ADK: variants seen among roughly 807,000 people sequenced by gnomAD.
The protein encoded by ADK is N6,N6-dimethyladenosine kinase.
In ADK, 24 loss-of-function variants were observed where a neutral mutation model predicts 44.7. That is an observed-to-expected ratio of 0.54 (90% confidence interval 0.39 to 0.76). The LOEUF is 0.76. Ranked by LOEUF, ADK falls within the 30% of genes least tolerant of loss-of-function variation. ADK has a pLI of 0.00. For missense variants in ADK, 321 were observed against 425.1 expected (o/e 0.76, Z 2.15); for synonymous variants, 128 against 142.6 (o/e 0.90, Z 0.73).
chr10:74,378,711 CAAG>C (rs1014799146), intron 4 of ADK, among the ~76,000 whole-genome samples: 2 of 152,042 alleles, frequency 1.3e-5, no homozygotes, highest in Admixed American at 6.6e-5. Context: ...TAAAGACTTT[CAAG>C]ATGAGTGAGG....
At chr10:74,678,159 A>G (rs921193468) in intron 10 of ADK, among the ~76,000 whole-genome samples, 3 of 151,272 alleles carry the variant, frequency 2.0e-5, no homozygotes, top group Non-Finnish European at 2.9e-5. Flanking sequence ...AAAAAAAAAA[A>G]AGGATATGAA....
intron 4 of ADK, chr10:74,372,035 A>C (rs183889449): frequency 1.3e-6 from 1 of 766,994 alleles, no homozygotes; most frequent in African/African-American, 1.7e-5. Context: ...ACAATAAGGG[A>C]GCTCACTCAA....
At chr10:74,519,149 T>C (rs1848711441) in intron 6 of ADK, among the ~76,000 whole-genome samples, 1 of 151,994 alleles carries the variant, frequency 6.6e-6, no homozygotes, top group Non-Finnish European at 1.5e-5. Context: ...ATAAAAATTA[T>C]TAGATTTTAA....
intron 3 of ADK, among the ~76,000 whole-genome samples, chr10:74,297,550 A>G (rs1408479099): frequency 6.6e-6 from 1 of 152,184 alleles, no homozygotes; most frequent in Non-Finnish European, 1.5e-5. Flanking sequence ...TAATTTATTC[A>G]TATGTTACCA....
chr10:74,527,293 G>A (rs1195898815), intron 7 of ADK, among the ~76,000 whole-genome samples: 1 of 151,960 alleles, frequency 6.6e-6, no homozygotes, highest in South Asian at 2.1e-4. Flanking sequence ...CCCAGGAGGC[G>A]GAGCTTGCAG....
chr10:74,280,381 T>C (rs11000954), intron 3 of ADK, among the ~76,000 whole-genome samples: 98,811 of 151,182 alleles, frequency 0.65, 33,448 homozygotes, highest in Middle Eastern at 0.81. Context: ...GGATTACAGG[T>C]GTGAGCCACC....
chr10:74,708,386 G>T lies in ADK; in HGVS notation c.1030G>T (p.Ala344Ser). 2 of 1,612,822 alleles carry T rather than the reference G, an allele frequency of 1.2e-6. No homozygotes were observed. Among genetic ancestry groups the T allele is most frequent in the Middle Eastern group, 1.7e-4 (1 of 6,054 alleles). The change falls in exon 11 of 11, where the codon GCA becomes TCA. Residue 344 changes from alanine to serine, a missense_variant. Physicochemically the swap from Ala to Ser is moderately conservative, Grantham distance 99. Transcript: ENST00000539909. Reference sequence around the variant, plus strand: ...ATGTATCCGTGCTGGCCACTATGCAGCAAGCATCATAATTAGACGGACTGG... The same window carrying T: ...ATGTATCCGTGCTGGCCACTATGCATCAAGCATCATAATTAGACGGACTGG... ...TECIRAGHYA[A>S]SIIIRRTGCT...
intron 9 of ADK, among the ~76,000 whole-genome samples, chr10:74,610,471 A>G (rs984257697): frequency 2.6e-5 from 4 of 152,184 alleles, no homozygotes; most frequent in African/African-American, 9.6e-5. Flanking sequence ...GCAGGATGAA[A>G]AAGTTGTAAA....
At chr10:74,334,140 CT>C (rs1564659222) in intron 4 of ADK, among the ~76,000 whole-genome samples, 1 of 152,100 alleles carries the variant, frequency 6.6e-6, no homozygotes, top group Non-Finnish European at 1.5e-5. Context: ...AAAACTTTCC[CT>C]GTGTCCCCTT....
intron 10 of ADK, among the ~76,000 whole-genome samples, chr10:74,686,671 T>C (rs1046396895): frequency 2.6e-5 from 4 of 152,058 alleles, no homozygotes; most frequent in Non-Finnish European, 4.4e-5. Context: ...TGTTTGTTTG[T>C]TTTTTGTTTT....
chr10:74,230,341 A>G (rs1844711554), intron 3 of ADK, among the ~76,000 whole-genome samples: 1 of 152,070 alleles, frequency 6.6e-6, no homozygotes, highest in Non-Finnish European at 1.5e-5. Flanking sequence ...GAATAAGGTG[A>G]GAGTAACATT....
intron 3 of ADK, among the ~76,000 whole-genome samples, chr10:74,263,466 A>G (rs978382473): frequency 6.6e-6 from 1 of 152,188 alleles, no homozygotes; most frequent in Admixed American, 6.5e-5. Context: ...GAAATACTTT[A>G]TGTAGAACAA....
intron 4 of ADK, among the ~76,000 whole-genome samples, chr10:74,352,750 T>A (rs535337223): frequency 1.3e-5 from 2 of 152,228 alleles, no homozygotes; most frequent in Admixed American, 1.3e-4. Context: ...CTATCAAAAA[T>A]TGGGCAAAGG....
chr10:74,396,543 C>CA (rs1429561595), intron 5 of ADK, among the ~76,000 whole-genome samples: 3 of 152,054 alleles, frequency 2.0e-5, no homozygotes, highest in Admixed American at 6.6e-5. Flanking sequence ...GTCTAAAAAA[C>CA]AAAAAACAAA....
chr10:74,199,065 A>C (rs781488211), intron 1 of ADK, among the ~76,000 whole-genome samples: 8 of 152,144 alleles, frequency 5.3e-5, no homozygotes, highest in Non-Finnish European at 1.2e-4. Flanking sequence ...CATATATTTA[A>C]ATTTTTTGGA....
chr10:74,676,071 A>T (rs1855380506), intron 10 of ADK, among the ~76,000 whole-genome samples: 1 of 151,704 alleles, frequency 6.6e-6, no homozygotes. Context: ...ACCTTCATTA[A>T]GTATGGTTAA....
At chr10:74,169,931 C>T (rs1164242083) in intron 1 of ADK, among the ~76,000 whole-genome samples, 1 of 152,100 alleles carries the variant, frequency 6.6e-6, no homozygotes, top group African/African-American at 2.4e-5. Context: ...GAAAAGGAAA[C>T]TGATGGTCAA....
intron 1 of ADK, among the ~76,000 whole-genome samples, chr10:74,198,256 A>C (rs1434528946): frequency 6.6e-6 from 1 of 152,226 alleles, no homozygotes; most frequent in East Asian, 1.9e-4. Flanking sequence ...CTAAGCACTT[A>C]AAATACTTTT....
At chr10:74,439,502 C>T (rs1353801651) in intron 6 of ADK, among the ~76,000 whole-genome samples, 2 of 152,024 alleles carry the variant, frequency 1.3e-5, no homozygotes, top group South Asian at 2.1e-4. Context: ...CTAGAGCAGC[C>T]GACCATTATT....
Sources: allele counts gnomAD v4.1 joint callset (sites outside exome capture counted in the v4.1 genomes callset), GRCh38; gene constraint gnomAD v4.1.1; transcripts MANE v1.5; gene names NCBI Gene and HGNC (gene_info 2026-07-23, HGNC 2026-07-21).